LRRN3: variants seen among roughly 807,000 people sequenced by gnomAD.
LRRN3 encodes leucine-rich repeat neuronal protein 3.
In LRRN3, 15 loss-of-function variants were observed where a neutral mutation model predicts 40.1. The observed-to-expected ratio is 0.37, with a 90% CI of 0.25 to 0.58. The LOEUF (loss-of-function observed/expected upper bound fraction) is 0.58. LRRN3 is among the 20% of genes least tolerant of loss of function. The pLI is 0.72. For missense variants in LRRN3, 746 were observed against 837.7 expected, an observed-to-expected ratio of 0.89 and a Z score of 1.35; for synonymous variants, 308 against 297.2, an observed-to-expected ratio of 1.04 and a Z score of -0.37.
rs1417355341 is a variant in LRRN3, at chr7:111,123,654, G to A, written c.882G>A (p.Met294Ile). 1 of 1,613,830 alleles carries A rather than the reference G, an allele frequency of 6.2e-7. No individual in the cohort carries two copies. Among genetic ancestry groups the A allele is most frequent in the Non-Finnish European group, 8.5e-7 (1 of 1,179,970 alleles). Reference protein sequence around the residue: ...LHLKELGINNMPELISIDSLA... With the variant: ...LHLKELGINNIPELISIDSLA... The stretch of plus-strand genomic sequence containing the variant: ...TAAAAGAGTTGGGGATAAATAATAT[G>A]CCTGAGCTGATTTCCATCGATAGTC... The change falls in exon 3 of 3, where the codon ATG (methionine) becomes ATA (isoleucine). Residue 294 changes from methionine (M) to isoleucine (I), a missense_variant. Transcript: ENST00000308478. This position sits in a 1 kb window ranked among gnomAD's most constrained non-coding sequence, Gnocchi z 6.4.
At chr7:111,120,388 T>A (rs527469562) in intron 2 of LRRN3, among the ~76,000 whole-genome samples, 6 of 152,078 alleles carry the variant, frequency 3.9e-5, no homozygotes, top group African/African-American at 1.4e-4. Flanking sequence ...CAAAAGACAT[T>A]TCCCCTATAA....
chr7:111,102,567 A>C (rs1245295167), intron 2 of LRRN3, among the ~76,000 whole-genome samples: 17 of 151,600 alleles, frequency 1.1e-4, no homozygotes. Flanking sequence ...TAGCTGAAGC[A>C]TTATTTTGTT....
At chr7:111,114,439 G>A (rs1799605202) in intron 2 of LRRN3, among the ~76,000 whole-genome samples, 2 of 152,036 alleles carry the variant, frequency 1.3e-5, no homozygotes, top group South Asian at 2.1e-4. Context: ...TATTAAGTTT[G>A]CACAAAGAAA....
intron 2 of LRRN3, among the ~76,000 whole-genome samples, chr7:111,115,200 T>C (rs1199698608): frequency 1.3e-5 from 2 of 152,270 alleles, no homozygotes; most frequent in East Asian, 3.9e-4. Context: ...TCAAACAATA[T>C]TGAATAATGT....
chr7:111,104,260 T>C (rs912862908), intron 2 of LRRN3, among the ~76,000 whole-genome samples: 2 of 151,694 alleles, frequency 1.3e-5, no homozygotes, highest in African/African-American at 4.8e-5. Flanking sequence ...ACAAAAGTCA[T>C]ATGATTTTCC....
chr7:111,118,481 G>A (rs188394922), intron 2 of LRRN3, among the ~76,000 whole-genome samples: 31 of 152,008 alleles, frequency 2.0e-4, no homozygotes, highest in Admixed American at 1.5e-3. Context: ...TGATTTTAAC[G>A]GCCTAAACTA....
chr7:111,120,056 G>T (rs1374176935), intron 2 of LRRN3, among the ~76,000 whole-genome samples: 3 of 152,136 alleles, frequency 2.0e-5, no homozygotes, highest in African/African-American at 4.8e-5. Flanking sequence ...TAGGGAGAAG[G>T]TTGCCTGCAG....
chr7:111,099,422 T>A (rs904490287), intron 1 of LRRN3, among the ~76,000 whole-genome samples: 3 of 151,754 alleles, frequency 2.0e-5, no homozygotes, highest in African/African-American at 7.2e-5. Flanking sequence ...GCAAAGTTAA[T>A]TGATGAAAGC....
chr7:111,123,627 C>A lies in LRRN3; in HGVS notation c.855C>A (p.His285Gln). Residue 285 changes from histidine to glutamine, a missense_variant, in exon 3 of 3, where the codon CAC (histidine) becomes CAA (glutamine). Physicochemically the swap from His to Gln is conservative, Grantham distance 24. Coordinates refer to ENST00000308478, the MANE Select transcript of LRRN3 (RefSeq NM_001099658.2). This position sits in a 1 kb window ranked among gnomAD's most constrained non-coding sequence, Gnocchi z 6.4. ...GGGGTGATTTTAGCAATATGCTACA[C>A]TTAAAAGAGTTGGGGATAAATAATA... Reference protein sequence around the residue: ...IRRGDFSNMLHLKELGINNMP... With the variant: ...IRRGDFSNMLQLKELGINNMP... 1 of 1,613,678 alleles carries A rather than the reference C, an allele frequency of 6.2e-7. No individual in the cohort carries two copies. Among genetic ancestry groups the A allele is most frequent in the Non-Finnish European group, 8.5e-7 (1 of 1,179,778 alleles).
intron 2 of LRRN3, among the ~76,000 whole-genome samples, chr7:111,116,542 G>T (rs1044075924): frequency 6.6e-6 from 1 of 151,782 alleles, no homozygotes; most frequent in Non-Finnish European, 1.5e-5. Context: ...CTTTATAATG[G>T]CAATCCCACA....
At chr7:111,108,462 T>A (rs558929751) in intron 2 of LRRN3, among the ~76,000 whole-genome samples, 117 of 152,240 alleles carry the variant, frequency 7.7e-4, no homozygotes, top group African/African-American at 2.6e-3. Context: ...CACTGTGCTA[T>A]TACTAGAGAT....
At chr7:111,094,955 C>CT (rs1491509540) in intron 1 of LRRN3, among the ~76,000 whole-genome samples, 1 of 152,034 alleles carries the variant, frequency 6.6e-6, no homozygotes, top group African/African-American at 2.4e-5. Context: ...ACAAGGAAGA[C>CT]TTAATGTCCA....
intron 2 of LRRN3, among the ~76,000 whole-genome samples, chr7:111,121,771 A>G (rs1217555425): frequency 6.6e-6 from 1 of 152,220 alleles, no homozygotes; most frequent in Non-Finnish European, 1.5e-5. Flanking sequence ...ATAAAGACAC[A>G]TGCACACGTA....
intron 2 of LRRN3, among the ~76,000 whole-genome samples, chr7:111,121,629 G>A (rs913451311): frequency 6.6e-5 from 10 of 152,180 alleles, no homozygotes; most frequent in Admixed American, 1.3e-4. Context: ...TACACTGTTG[G>A]TGGGGCTGTA....
In LRRN3 at chr7:111,123,286, A is replaced by G. The variant is rs1489704959; in HGVS notation, c.514A>G (p.Asn172Asp). The change falls in exon 3 of 3, where the codon AAT (asparagine) becomes GAT (aspartate). Residue 172 changes from asparagine to aspartate, a missense_variant. By Grantham distance (23) the Asn-to-Asp change is conservative. Transcript: ENST00000308478. The surrounding 1 kb of genome is among the most constrained non-coding windows in gnomAD (Gnocchi z 6.4). Reference protein sequence around the residue: ...GLHNLLRLHLNSNRLQMINSK... With the variant: ...GLHNLLRLHLDSNRLQMINSK... Reference sequence around the variant, plus strand: ...ACATAATCTTCTTCGACTTCATCTCAATTCAAATAGATTGCAGATGATCAA... The same window carrying G: ...ACATAATCTTCTTCGACTTCATCTCGATTCAAATAGATTGCAGATGATCAA... 10 of 1,613,782 alleles carry G rather than the reference A, an allele frequency of 6.2e-6. No individual in the cohort carries two copies. The highest frequency in any genetic ancestry group is 7.6e-6 in the Non-Finnish European group (9 of 1,179,902).
intron 1 of LRRN3, among the ~76,000 whole-genome samples, chr7:111,095,970 C>G (rs535219207): frequency 6.6e-6 from 1 of 152,010 alleles, no homozygotes; most frequent in African/African-American, 2.4e-5. Flanking sequence ...AATGATATCT[C>G]CTTAATATCA....
intron 2 of LRRN3, among the ~76,000 whole-genome samples, chr7:111,111,493 T>G (rs1799199842): frequency 6.6e-6 from 1 of 151,856 alleles, no homozygotes; most frequent in Non-Finnish European, 1.5e-5. Context: ...GCAAAATGTA[T>G]TTCATTTACT....
At chr7:111,111,662 C>T (rs1200079666) in intron 2 of LRRN3, among the ~76,000 whole-genome samples, 4 of 151,890 alleles carry the variant, frequency 2.6e-5, no homozygotes, top group African/African-American at 4.8e-5. Context: ...CTAATGTCCC[C>T]CCCTGCGTCA....
intron 2 of LRRN3, among the ~76,000 whole-genome samples, chr7:111,119,315 G>T (rs559444808): frequency 3.9e-5 from 6 of 152,156 alleles, no homozygotes; most frequent in Non-Finnish European, 8.8e-5. Flanking sequence ...AAATGAGCAT[G>T]CATACGGAAT....
Sources: gnomAD v4.1 joint callset for allele counts (sites outside exome capture counted in the v4.1 genomes callset) on GRCh38, gnomAD v4.1.1 for gene constraint, Gnocchi (gnomAD v3.1) non-coding constraint, MANE v1.5 for transcripts, NCBI Gene and HGNC (gene_info 2026-07-23, HGNC 2026-07-21) for gene names.